SSPN: variants seen among roughly 807,000 people sequenced by gnomAD.
SSPN encodes sarcospan, also known as K-ras oncogene-associated protein.
Under a neutral mutation model 19.1 loss-of-function variants are expected in SSPN, and 15 were observed. The observed-to-expected ratio is 0.78, with a 90% CI of 0.52 to 1.21. SSPN has a LOEUF of 1.21. Among genes scored for constraint, SSPN ranks in the 50% most tolerant of loss-of-function variants. SSPN has a pLI of 0.00. For synonymous variants in SSPN, 147 were observed against 140.3 expected (o/e 1.05, Z -0.34); for missense variants, 291 against 314.0 (o/e 0.93, Z 0.55).
At chr12:26,164,620 A>G (rs1220885418) in intron 1 of SSPN, among the ~76,000 whole-genome samples, 2 of 152,174 alleles carry the variant, frequency 1.3e-5, no homozygotes, top group Admixed American at 1.3e-4. Context: ...TGACATTTTT[A>G]TTATTGATTT....
intron 1 of SSPN, among the ~76,000 whole-genome samples, chr12:26,198,400 T>C (rs1218406981): frequency 6.6e-6 from 1 of 152,218 alleles, no homozygotes; most frequent in East Asian, 1.9e-4. Flanking sequence ...CTTCTCTAGG[T>C]TTCCATTTCT....
At chr12:26,149,897 A>G (rs928388661) in intron 1 of SSPN, among the ~76,000 whole-genome samples, 1 of 152,188 alleles carries the variant, frequency 6.6e-6, no homozygotes, top group African/African-American at 2.4e-5. Context: ...TAAGTGAACC[A>G]TGATGCACCT....
At chr12:26,200,931 T>A (rs1454737926) in intron 1 of SSPN, among the ~76,000 whole-genome samples, 1 of 148,998 alleles carries the variant, frequency 6.7e-6, no homozygotes. Context: ...GGAAAATTAT[T>A]GTATAGGCAT....
In SSPN at chr12:26,195,726, C is replaced by G; in HGVS notation, c.54C>G (p.Ala18=). ...AGCAGAGGCAGGGGGGCCCGCCGGC[C>G]GCGGACGCCGCTGGGCCCGACGACA... ...RGQQRQGGPP[A]ADAAGPDDME... The change falls in exon 1 of 3, where the codon GCC becomes GCG. Residue 18 remains alanine (A), a synonymous_variant. Transcript: ENST00000242729. The G allele has an allele frequency of 6.9e-7, 1 of 1,451,312 alleles. No individual in the cohort carries two copies. The highest frequency in any genetic ancestry group is 9.0e-7 in the Non-Finnish European group (1 of 1,107,740). The allele number at this position is 1,451,312 out of a possible 1,614,324, so 89.9% of individuals were successfully genotyped here. A position where few individuals can be genotyped will look rare whatever the true frequency, so the allele number is the denominator to read the frequency against.
At chr12:26,212,206 G>C (rs1944995043) in intron 1 of SSPN, among the ~76,000 whole-genome samples, 2 of 152,116 alleles carry the variant, frequency 1.3e-5, no homozygotes, top group African/African-American at 4.8e-5. Flanking sequence ...GTCTTTGCAT[G>C]CTCATATGAA....
In SSPN at chr12:26,122,193, A is replaced by G. The variant is rs762099021; in HGVS notation, c.-31+41A>G. On this transcript the variant is annotated intron_variant, in intron 1 of 2. Transcript: ENST00000538142. ...CGGGTGCTGGGGGTGCGGCGCCCCA[A>G]GGGGCGCCACCTCGTGCGGCAGGAG... 1,216 of 1,444,256 alleles carry G rather than the reference A, an allele frequency of 8.4e-4. 1 individual carries two copies. Among genetic ancestry groups the G allele is most frequent in the Non-Finnish European group, 1.0e-3 (1,151 of 1,100,842 alleles). The allele number at this position is 1,444,256 out of a possible 1,614,324, so 89.5% of individuals were successfully genotyped here. A position where few individuals can be genotyped will look rare whatever the true frequency, so the allele number is the denominator to read the frequency against.
At chr12:26,194,015 A>C (rs1325066118), upstream of SSPN, among the ~76,000 whole-genome samples, 1 of 152,166 alleles carries the variant, frequency 6.6e-6, no homozygotes, top group Admixed American at 6.5e-5. Context: ...TTTTCTTTAA[A>C]TTTTCCAATA....
rs61560128 is a variant in SSPN at position 26,208,969 on chromosome 12, G to A, written c.279+13018G>A. Reference sequence around the variant, plus strand: ...TTAAAATGATGCTATAATGCATCTTGTTATAAAGATGATGGATAAGCAGCC... The same window carrying A: ...TTAAAATGATGCTATAATGCATCTTATTATAAAGATGATGGATAAGCAGCC... On this transcript the variant is annotated intron_variant, in intron 1 of 2. Coordinates refer to ENST00000242729, the MANE Select transcript of SSPN (RefSeq NM_005086.5). Among the ~76,000 whole-genome samples the A allele has an allele frequency of 4.2e-3, 633 of 152,176 alleles. 7 individuals carry two copies. Among genetic ancestry groups the A allele is most frequent in the African/African-American group, 0.014 (596 of 41,522 alleles).
intron 1 of SSPN, among the ~76,000 whole-genome samples, chr12:26,205,057 T>C (rs1944919303): frequency 1.1e-4 from 17 of 152,188 alleles, no homozygotes; most frequent in Admixed American, 1.1e-3. Flanking sequence ...GTCCAGTAAG[T>C]GACGGGACGT....
chr12:26,124,253 G>GCCACCCCCC, intron 1 of SSPN: 1 of 785,902 alleles, frequency 1.3e-6, no homozygotes, highest in South Asian at 1.5e-5. Context: ...ACCCTCGTCT[G>GCCACCCCCC]CCCCCCCCGC....
At chr12:26,139,736 G>T (rs931403605) in intron 1 of SSPN, among the ~76,000 whole-genome samples, 1 of 152,146 alleles carries the variant, frequency 6.6e-6, no homozygotes, top group Non-Finnish European at 1.5e-5. Context: ...GTAAAATGTT[G>T]TAAAATATCT....
chr12:26,225,773 A>G (rs1283878778), intron 2 of SSPN, among the ~76,000 whole-genome samples: 1 of 148,904 alleles, frequency 6.7e-6, no homozygotes, highest in African/African-American at 2.5e-5. Flanking sequence ...AAAAGCCAGA[A>G]AGCTTAGTAA....
At chr12:26,186,274 G>A (rs887919807) in intron 1 of SSPN, among the ~76,000 whole-genome samples, 1 of 151,878 alleles carries the variant, frequency 6.6e-6, no homozygotes, top group African/African-American at 2.4e-5. Context: ...CTAAAAACTG[G>A]TGCCTATACG....
intron 1 of SSPN, chr12:26,123,755 A>G (rs1944336309): frequency 6.4e-7 from 1 of 1,554,306 alleles, no homozygotes. Context: ...CAGTGGTGCA[A>G]AAAAGAAACG....
intron 1 of SSPN, among the ~76,000 whole-genome samples, chr12:26,188,860 T>G (rs1044151786): frequency 6.6e-6 from 1 of 152,148 alleles, no homozygotes. Flanking sequence ...GGGATGTCTG[T>G]CCACACAGCA....
Position 26,231,840 on chromosome 12 carries a change from C to T in SSPN, c.*764C>T, listed in dbSNP as rs1353131023. ...TATGCTTCTATTCTATCATCTAAAACAAATCATTAAAACTAATTTCTAGCT... is the reference window on the plus strand; with the variant it reads ...TATGCTTCTATTCTATCATCTAAAATAAATCATTAAAACTAATTTCTAGCT... On this transcript the variant is annotated 3_prime_UTR_variant, in exon 3 of 3. Coordinates refer to ENST00000242729, the MANE Select transcript of SSPN (RefSeq NM_005086.5). 2.8e-6 allele frequency: 2 copies of T among 714,276 alleles called. No individual in the cohort carries two copies. Among genetic ancestry groups the T allele is most frequent in the Non-Finnish European group, 3.4e-6 (2 of 582,894 alleles). The allele number at this position is 714,276 out of a possible 1,614,324, so 44.2% of individuals were successfully genotyped here.
At chr12:26,225,849 A>G (rs1417971727) in intron 2 of SSPN, among the ~76,000 whole-genome samples, 1 of 151,736 alleles carries the variant, frequency 6.6e-6, no homozygotes, top group Non-Finnish European at 1.5e-5. Context: ...CTAGGTTTTT[A>G]TTAGTTTATG....
chr12:26,223,885 G>A (rs7971293), intron 1 of SSPN, among the ~76,000 whole-genome samples: 13,614 of 152,066 alleles, frequency 0.09, 1,246 homozygotes, highest in African/African-American at 0.23. Context: ...CTTTTATATC[G>A]CCCAACTCAA....
In SSPN at chr12:26,232,187, CTGTATT is replaced by C; in HGVS notation, c.*1114_*1119del. 1.8e-5 allele frequency: 18 copies of C among 985,440 alleles called. No homozygotes were observed. The highest frequency in any genetic ancestry group is 2.2e-5 in the Non-Finnish European group (18 of 829,928). The allele number at this position is 985,440 out of a possible 1,614,324, so 61.0% of individuals were successfully genotyped here. On this transcript the variant is annotated 3_prime_UTR_variant, in exon 3 of 3. Coordinates refer to ENST00000242729, the MANE Select transcript of SSPN (RefSeq NM_005086.5). Reference sequence around the variant, plus strand: ...ATGCTGATGTGTTCCATTCATGAAACTGTATTTGATACATAATCCTATTATTAATTC... The same window carrying C: ...ATGCTGATGTGTTCCATTCATGAAACTGATACATAATCCTATTATTAATTC...
Sources: gnomAD v4.1 joint callset for allele counts (sites outside exome capture counted in the v4.1 genomes callset) on GRCh38, gnomAD v4.1.1 for gene constraint, MANE v1.5 for transcripts, NCBI Gene and HGNC (gene_info 2026-07-23, HGNC 2026-07-21) for gene names.